AGBL4: variants seen among roughly 807,000 people sequenced by gnomAD.
The protein encoded by AGBL4 is AGBL carboxypeptidase 4.
In AGBL4, 58 loss-of-function variants were observed where a neutral mutation model predicts 66.4. The ratio of observed to expected loss-of-function variants is 0.87; its 90% CI spans 0.71 to 1.09. AGBL4 has a LOEUF of 1.09. AGBL4 is among the 50% of genes least tolerant of loss of function. The probability of loss-of-function intolerance (pLI) is 0.00; values close to 1 mark genes in which losing one functional copy is unlikely to be tolerated. For synonymous variants in AGBL4, 234 were observed against 222.9 expected (o/e 1.05, Z -0.44); for missense variants, 579 against 631.0 (o/e 0.92, Z 0.88).
chr1:49,525,903 C>A (rs752373270), intron 3 of AGBL4, among the ~76,000 whole-genome samples: 1 of 151,506 alleles, frequency 6.6e-6, no homozygotes, highest in Non-Finnish European at 1.5e-5. Context: ...CTGGCTAACA[C>A]GGTGAAACCC....
At chr1:48,662,904 G>A (rs11802874) in intron 7 of AGBL4, among the ~76,000 whole-genome samples, 1,680 of 152,194 alleles carry the variant, frequency 0.011, 18 homozygotes, top group African/African-American at 0.03. Context: ...AGATAACTTC[G>A]TTCAGCCCTC....
At chr1:49,298,140 T>C (rs1644677112) in intron 3 of AGBL4, among the ~76,000 whole-genome samples, 2 of 152,214 alleles carry the variant, frequency 1.3e-5, no homozygotes, top group Non-Finnish European at 1.5e-5. Context: ...ACTACTTCCT[T>C]GCCCTGTCAG....
In AGBL4 at chr1:48,760,290, C is replaced by T. The variant is rs948072334; in HGVS notation, c.635-97049G>A. On this transcript the variant is annotated intron_variant, in intron 6 of 13. Transcript: ENST00000371839. ...GATCAAATGAATTCTTCACTCAGGGCAGGAGGGTTAGGAGCTCTCCTGACT... is the reference window on the plus strand; with the variant it reads ...GATCAAATGAATTCTTCACTCAGGGTAGGAGGGTTAGGAGCTCTCCTGACT... 4.6e-5 allele frequency among the ~76,000 whole-genome samples: 7 copies of T among 152,290 alleles called. No homozygotes were observed. The South Asian group carries it at 1.5e-3, about 32-fold the overall frequency.
At chr1:49,363,922 A>G (rs1476872742) in intron 3 of AGBL4, among the ~76,000 whole-genome samples, 1 of 152,214 alleles carries the variant, frequency 6.6e-6, no homozygotes, top group Admixed American at 6.5e-5. Context: ...AATTAACTGT[A>G]GCGATGGTTG....
At chr1:48,688,919 T>G (rs963753215) in intron 6 of AGBL4, among the ~76,000 whole-genome samples, 2 of 151,162 alleles carry the variant, frequency 1.3e-5, no homozygotes, top group Non-Finnish European at 2.9e-5. Context: ...AGGATGAAAG[T>G]TTCTACTTTT....
rs774451163 is a variant in AGBL4 at position 48,578,600 on chromosome 1, G to C, written c.1267+8404C>G. On this transcript the variant is annotated intron_variant, in intron 11 of 13. Transcript: ENST00000371839. ...GTCCTCCACCGAAAATTTAGTGAAG[G>C]CTCTCTGGCAAGAACAAATATCTAG... Among the ~76,000 whole-genome samples the C allele has an allele frequency of 2.6e-5, 4 of 152,230 alleles. No homozygotes were observed. In the South Asian group the frequency reaches 8.3e-4, roughly 32 times the overall value.
intron 11 of AGBL4, among the ~76,000 whole-genome samples, chr1:48,577,734 C>T (rs1235394313): frequency 6.6e-6 from 1 of 152,098 alleles, no homozygotes; most frequent in Non-Finnish European, 1.5e-5. Flanking sequence ...AGAGCTGCAA[C>T]TGGGCTATCA....
intron 1 of AGBL4, among the ~76,000 whole-genome samples, chr1:49,980,172 G>T (rs1289343667): frequency 2.6e-5 from 4 of 152,060 alleles, no homozygotes; most frequent in Non-Finnish European, 5.9e-5. Flanking sequence ...GTGGATTTTT[G>T]ACTGTGTGGG....
At chr1:48,567,463 T>G (rs560910021) in intron 11 of AGBL4, among the ~76,000 whole-genome samples, 2 of 152,134 alleles carry the variant, frequency 1.3e-5, no homozygotes, top group African/African-American at 4.8e-5. Flanking sequence ...CTAGTAGAGA[T>G]GTTAATACAG....
chr1:49,946,297 G>A (rs983195849), intron 1 of AGBL4, among the ~76,000 whole-genome samples: 4 of 151,830 alleles, frequency 2.6e-5, no homozygotes, highest in Non-Finnish European at 4.4e-5. Context: ...CAAGATAGAC[G>A]ATATGATAGC....
At chr1:49,943,914 C>T (rs574141197) in intron 1 of AGBL4, among the ~76,000 whole-genome samples, 5 of 152,102 alleles carry the variant, frequency 3.3e-5, no homozygotes, top group African/African-American at 1.2e-4. Context: ...TCACCCACTA[C>T]CTGGAAACAG....
At chr1:48,920,756 A>T (rs1654010238) in intron 5 of AGBL4, among the ~76,000 whole-genome samples, 1 of 152,162 alleles carries the variant, frequency 6.6e-6, no homozygotes, top group African/African-American at 2.4e-5. Context: ...TATCCCTCCA[A>T]GTCTCCTAGA....
intron 3 of AGBL4, among the ~76,000 whole-genome samples, chr1:49,504,372 T>C (rs1225035226): frequency 1.3e-5 from 2 of 152,156 alleles, no homozygotes; most frequent in Non-Finnish European, 1.5e-5. Context: ...AATAGTCTGT[T>C]ACACACATTT....
chr1:49,640,214 C>G (rs892589111), intron 3 of AGBL4, among the ~76,000 whole-genome samples: 1 of 152,186 alleles, frequency 6.6e-6, no homozygotes, highest in African/African-American at 2.4e-5. Context: ...AGACAACTTA[C>G]TTTGAGATAG....
intron 5 of AGBL4, among the ~76,000 whole-genome samples, chr1:48,908,738 C>T (rs887862824): frequency 3.9e-5 from 6 of 152,042 alleles, no homozygotes; most frequent in African/African-American, 7.2e-5. Context: ...GGTAATGAAA[C>T]CCAGGTTCAT....
intron 1 of AGBL4, among the ~76,000 whole-genome samples, chr1:50,012,398 C>A (rs1572057485): frequency 6.6e-6 from 1 of 152,042 alleles, no homozygotes; most frequent in African/African-American, 2.4e-5. Flanking sequence ...GATGGATAAC[C>A]CATTCTCCTT....
At chr1:48,599,486 C>T (rs979590563) in intron 9 of AGBL4, among the ~76,000 whole-genome samples, 4 of 152,182 alleles carry the variant, frequency 2.6e-5, no homozygotes, top group Admixed American at 6.5e-5. Flanking sequence ...TCATCATAAT[C>T]TTATGGGACC....
intron 5 of AGBL4, among the ~76,000 whole-genome samples, chr1:48,968,129 A>T (rs1169668590): frequency 2.0e-5 from 3 of 152,108 alleles, no homozygotes; most frequent in African/African-American, 7.2e-5. Context: ...TAAGGAAAAA[A>T]CAGATGTTCC....
intron 5 of AGBL4, among the ~76,000 whole-genome samples, chr1:48,982,175 G>T (rs1456264387): frequency 2.6e-5 from 4 of 152,190 alleles, no homozygotes; most frequent in Non-Finnish European, 5.9e-5. Flanking sequence ...TAGGAGCCAG[G>T]TGACAGGGCT....
Sources: gnomAD v4.1 joint callset for allele counts (sites outside exome capture counted in the v4.1 genomes callset) on GRCh38, gnomAD v4.1.1 for gene constraint, MANE v1.5 for transcripts, NCBI Gene and HGNC (gene_info 2026-07-23, HGNC 2026-07-21) for gene names.